Variants in DNAJB5 observed in about 807,000 individuals in gnomAD.
DNAJB5 encodes DnaJ heat shock protein family (Hsp40) member B5.
A neutral mutation model predicts 32.6 loss-of-function variants in DNAJB5; 12 were observed. The observed-to-expected ratio is 0.37, with a 90% CI of 0.24 to 0.60. The LOEUF is 0.60. Ranked by LOEUF, DNAJB5 falls within the 20% of genes least tolerant of loss-of-function variation. The pLI, the probability that DNAJB5 is intolerant of heterozygous loss-of-function variation, is 0.71. For synonymous variants in DNAJB5, 188 were observed against 212.9 expected (o/e 0.88, Z 1.02); for missense variants, 358 against 554.2 (o/e 0.65, Z 3.55).
chr9:34,998,593 T>G (rs957209500), downstream of DNAJB5: 3 of 152,050 alleles, frequency 2.0e-5, no homozygotes, highest in Admixed American at 2.0e-4. Flanking sequence ...TTTCTAAAAC[T>G]TATACTTCAA....
Position 34,990,603 on chromosome 9 carries a change from C to G in DNAJB5, c.-28C>G. The G allele has an allele frequency of 6.4e-7, 1 of 1,551,434 alleles. No individual in the cohort carries two copies. Among genetic ancestry groups the G allele is most frequent in the Non-Finnish European group, 8.7e-7 (1 of 1,146,918 alleles). On this transcript the variant is annotated 5_prime_UTR_variant, in exon 2 of 5. Coordinates refer to ENST00000682809, the MANE Select transcript of DNAJB5 (RefSeq NM_001349723.3). The surrounding 1 kb of genome is among the most constrained non-coding windows in gnomAD (Gnocchi z 4.5). ...GCACTTCAGGCCGGCTCCGGTGGAG[C>G]GATCAGAGGTGAGGGGCTTGGCTGG...
rs1348330966 is a variant in DNAJB5, at chr9:34,997,313, CCACT to C, written c.*57_*60del. The C allele has an allele frequency of 1.2e-5, 19 of 1,548,994 alleles. No individual in the cohort carries two copies. Among genetic ancestry groups the C allele is most frequent in the Non-Finnish European group, 1.7e-5 (19 of 1,120,792 alleles). ...CACAGCAATACCCCCAACACTCACTCCACTCAATGTGCACCCAGCTTGATGTCCA... is the reference window on the plus strand; with the variant it reads ...CACAGCAATACCCCCAACACTCACTCCAATGTGCACCCAGCTTGATGTCCA... On this transcript the variant is annotated 3_prime_UTR_variant, in exon 5 of 5. Coordinates refer to ENST00000682809, the MANE Select transcript of DNAJB5 (RefSeq NM_001349723.3). This position sits in a 1 kb window ranked among gnomAD's most constrained non-coding sequence, Gnocchi z 4.1.
intron 3 of DNAJB5, among the ~76,000 whole-genome samples, chr9:34,994,608 C>T (rs1827742050): frequency 1.3e-5 from 2 of 152,166 alleles, no homozygotes; most frequent in Non-Finnish European, 2.9e-5. Context: ...ACCATGTGAC[C>T]TGTCTTGGAA....
chr9:34,995,305 T>G (rs1344961071), intron 3 of DNAJB5, among the ~76,000 whole-genome samples: 1 of 152,066 alleles, frequency 6.6e-6, no homozygotes, highest in Non-Finnish European at 1.5e-5. Context: ...ACCCCACCCA[T>G]AGTCTCTGTA....
At position 34,990,831 on chromosome 9, in the gene DNAJB5, G is replaced by A. The variant is rs1827607944; in HGVS notation, c.182+19G>A. The A allele has an allele frequency of 1.3e-6, 2 of 1,541,938 alleles. No individual in the cohort carries two copies. Among genetic ancestry groups the A allele is most frequent in the Non-Finnish European group, 1.8e-6 (2 of 1,142,484 alleles). Reference sequence around the variant, plus strand: ...AGTTTCGGTAAGTCCCTCCGGAGAAGGGCACTCACACCCATACCCAGTCAA... The same window carrying A: ...AGTTTCGGTAAGTCCCTCCGGAGAAAGGCACTCACACCCATACCCAGTCAA... On this transcript the variant is annotated intron_variant, in intron 2 of 4. Transcript: ENST00000682809. This position sits in a 1 kb window ranked among gnomAD's most constrained non-coding sequence, Gnocchi z 4.5.
chr9:34,994,423 A>C (rs1827737145), intron 3 of DNAJB5, among the ~76,000 whole-genome samples: 1 of 152,022 alleles, frequency 6.6e-6, no homozygotes, highest in African/African-American at 2.4e-5. Flanking sequence ...CCTATTCTCC[A>C]TGCTGCCGGT....
chr9:34,991,479 G>A lies in DNAJB5; in HGVS notation c.182+667G>A. The A allele has an allele frequency of 6.6e-6, 3 of 453,948 alleles. No homozygotes were observed. In the Admixed American group the frequency reaches 7.0e-5, roughly 11 times the overall value. 28.1% of individuals were successfully genotyped at this position (453,948 alleles called of 1,614,324 possible). A position where few individuals can be genotyped will look rare whatever the true frequency, so the allele number is the denominator to read the frequency against. ...AATGCAGGGACACCAAAAGGAGGTG[G>A]GTGGTTGGTGAGCCGTTCCACTGGC... is the stretch of plus-strand genomic sequence containing the variant. On this transcript the variant is annotated intron_variant, in intron 2 of 4. Transcript: ENST00000682809.
At position 34,990,991 on chromosome 9, in the gene DNAJB5, TCTCAAACC is replaced by T; in HGVS notation, c.182+182_182+189del. Reference sequence around the variant, plus strand: ...GAATTGCACCCCTTATCATTCCTTTTCTCAAACCCTTCAGGTATCCATTTTCCACAGAC... The same window carrying T: ...GAATTGCACCCCTTATCATTCCTTTTCTTCAGGTATCCATTTTCCACAGAC... On this transcript the variant is annotated intron_variant, in intron 2 of 4. Transcript: ENST00000682809. The surrounding 1 kb of genome is among the most constrained non-coding windows in gnomAD (Gnocchi z 4.5). 1 of 640,336 alleles carries T rather than the reference TCTCAAACC, an allele frequency of 1.6e-6. No individual in the cohort carries two copies. Among genetic ancestry groups the T allele is most frequent in the East Asian group, 2.8e-5 (1 of 36,292 alleles). 39.7% of individuals were successfully genotyped at this position (640,336 alleles called of 1,614,324 possible).
At chr9:34,991,566 C>T in intron 2 of DNAJB5, 1 of 382,464 alleles carries the variant, frequency 2.6e-6, no homozygotes, top group South Asian at 1.9e-5. Flanking sequence ...AGGGTTCTTT[C>T]CCAGTCCCAG....
chr9:34,990,192 G>A lies in DNAJB5; in HGVS notation c.-132-307G>A, dbSNP rs1563947135. ...CTCTCCTCGCCGCGCCTTTTGTCCC[G>A]GCCGAGCTCCGCTCTGCCCCGCCCA... is the stretch of plus-strand genomic sequence containing the variant. On this transcript the variant is annotated intron_variant, in intron 1 of 4. Coordinates refer to ENST00000682809, the MANE Select transcript of DNAJB5 (RefSeq NM_001349723.3). The surrounding 1 kb of genome is among the most constrained non-coding windows in gnomAD (Gnocchi z 4.5). The A allele has an allele frequency of 1.6e-5, 14 of 892,756 alleles. No individual in the cohort carries two copies. The South Asian group carries it at 2.5e-4, about 16-fold the overall frequency. The allele number at this position is 892,756 out of a possible 1,614,324, so 55.3% of individuals were successfully genotyped here. A position where few individuals can be genotyped will look rare whatever the true frequency, so the allele number is the denominator to read the frequency against.
Position 34,998,369 on chromosome 9 carries a change from G to GT in DNAJB5, c.*1117dup, listed in dbSNP as rs901485179. ...ACAACCCCCGAATGTTTTTATAGTA[G>GT]TTTTTTTGTATTTTTTTGTAATGAC... On this transcript the variant is annotated 3_prime_UTR_variant, in exon 5 of 5. Transcript: ENST00000682809. 9.2e-5 allele frequency: 14 copies of GT among 152,614 alleles called. No homozygotes were observed. Among genetic ancestry groups the GT allele is most frequent in the East Asian group, 1.9e-4 (1 of 5,194 alleles). 9.5% of individuals were successfully genotyped at this position (152,614 alleles called of 1,614,324 possible). A position where few individuals can be genotyped will look rare whatever the true frequency, so the allele number is the denominator to read the frequency against.
At position 34,996,730 on chromosome 9, in the gene DNAJB5, C is replaced by T; in HGVS notation, c.893C>T (p.Thr298Ile). 3 of 1,614,200 alleles carry T rather than the reference C, an allele frequency of 1.9e-6. No individual in the cohort carries two copies. Among genetic ancestry groups the T allele is most frequent in the Non-Finnish European group, 2.5e-6 (3 of 1,180,040 alleles). The change falls in exon 4 of 5, where the codon ACC becomes ATC. Residue 298 changes from threonine (T) to isoleucine (I), a missense_variant. Thr to Ile is a moderately conservative substitution (Grantham distance 89). Transcript: ENST00000682809. This position sits in a 1 kb window ranked among gnomAD's most constrained non-coding sequence, Gnocchi z 7.2. Reference sequence around the variant, plus strand: ...GGCTGGAAGGAAGGCACCAAGATCACCTTCCCCAAAGAAGGCGACGCCACA... The same window carrying T: ...GGCTGGAAGGAAGGCACCAAGATCATCTTCCCCAAAGAAGGCGACGCCACA... The part of the protein sequence containing the change: ...KRGWKEGTKI[T>I]FPKEGDATPD...
chr9:34,994,685 T>C (rs1053839577), intron 3 of DNAJB5, among the ~76,000 whole-genome samples: 3 of 152,146 alleles, frequency 2.0e-5, no homozygotes, highest in African/African-American at 4.8e-5. Context: ...GAGAGCTCCC[T>C]TGAGATACTT....
chr9:34,990,322 G>A lies in DNAJB5; in HGVS notation c.-132-177G>A, dbSNP rs1250435225. The A allele has an allele frequency of 3.4e-6, 5 of 1,454,138 alleles. No individual in the cohort carries two copies. The highest frequency in any genetic ancestry group is 4.6e-6 in the Non-Finnish European group (5 of 1,095,774). 90.1% of individuals were successfully genotyped at this position (1,454,138 alleles called of 1,614,324 possible). ...GGCGACAGGAGCTCACTGCCTCTCG[G>A]GCCCTCACAATCACACCTGTCACAG... is the stretch of plus-strand genomic sequence containing the variant. On this transcript the variant is annotated intron_variant, in intron 1 of 4. Coordinates refer to ENST00000682809, the MANE Select transcript of DNAJB5 (RefSeq NM_001349723.3). The surrounding 1 kb of genome is among the most constrained non-coding windows in gnomAD (Gnocchi z 4.5).
Position 34,996,349 on chromosome 9 carries a change from C to A in DNAJB5, c.512C>A (p.Ala171Asp), listed in dbSNP as rs1461387639. 6.2e-7 allele frequency: 1 copy of A among 1,614,194 alleles called. No individual in the cohort carries two copies. ...TFHGDPHATF[A>D]SFFGGSNPFD... ...CATGGGGACCCCCATGCCACCTTTGCCTCCTTCTTTGGTGGCTCCAACCCC... is the reference window on the plus strand; with the variant it reads ...CATGGGGACCCCCATGCCACCTTTGACTCCTTCTTTGGTGGCTCCAACCCC... Residue 171 changes from alanine (A) to aspartate (D), a missense_variant, in exon 4 of 5, where the codon GCC becomes GAC. Coordinates refer to ENST00000682809, the MANE Select transcript of DNAJB5 (RefSeq NM_001349723.3). The surrounding 1 kb of genome is among the most constrained non-coding windows in gnomAD (Gnocchi z 7.2).
Position 34,995,757 on chromosome 9 carries a change from T to A in DNAJB5, c.428-508T>A, listed in dbSNP as rs371200442. Among the ~76,000 whole-genome samples the A allele has an allele frequency of 3.3e-5, 5 of 152,214 alleles. No individual in the cohort carries two copies. In the East Asian group the frequency reaches 9.7e-4, roughly 29 times the overall value. ...AGAGGAAACACTGCTAGAAGCAGAG[T>A]GAAAGTGGTCTTCCTCCCGGGTTGG... On this transcript the variant is annotated intron_variant, in intron 3 of 4. Transcript: ENST00000682809.
chr9:34,989,753 T>A lies in DNAJB5; in HGVS notation c.-211T>A. On this transcript the variant is annotated 5_prime_UTR_variant, in exon 1 of 5. Coordinates refer to ENST00000682809, the MANE Select transcript of DNAJB5 (RefSeq NM_001349723.3). ...GCGGGCAGGCGACTCCTGTCCCGGG[T>A]GGAGGCGGCGGAGCCGGAGCCGGGG... 8.1e-7 allele frequency: 1 copy of A among 1,230,814 alleles called. No individual in the cohort carries two copies. Among genetic ancestry groups the A allele is most frequent in the South Asian group, 4.1e-5 (1 of 24,452 alleles). 76.2% of individuals were successfully genotyped at this position (1,230,814 alleles called of 1,614,324 possible).
At chr9:34,992,648 T>G (rs1187471781) in intron 2 of DNAJB5, 1 of 321,304 alleles carries the variant, frequency 3.1e-6, no homozygotes, top group African/African-American at 2.2e-5. Flanking sequence ...GGGTCTCCGA[T>G]GGCAGACAGG....
chr9:34,990,595 C>T lies in DNAJB5; in HGVS notation c.-36C>T. The T allele has an allele frequency of 6.4e-7, 1 of 1,551,470 alleles. No individual in the cohort carries two copies. Among genetic ancestry groups the T allele is most frequent in the African/African-American group, 1.4e-5 (1 of 73,150 alleles). On this transcript the variant is annotated 5_prime_UTR_variant, in exon 2 of 5. Coordinates refer to ENST00000682809, the MANE Select transcript of DNAJB5 (RefSeq NM_001349723.3). This position sits in a 1 kb window ranked among gnomAD's most constrained non-coding sequence, Gnocchi z 4.5. Reference sequence around the variant, plus strand: ...GAGCTGCAGCACTTCAGGCCGGCTCCGGTGGAGCGATCAGAGGTGAGGGGC... The same window carrying T: ...GAGCTGCAGCACTTCAGGCCGGCTCTGGTGGAGCGATCAGAGGTGAGGGGC...
Sources: gnomAD v4.1 joint callset for allele counts (sites outside exome capture counted in the v4.1 genomes callset) on GRCh38, gnomAD v4.1.1 for gene constraint, Gnocchi (gnomAD v3.1) non-coding constraint, MANE v1.5 for transcripts, NCBI Gene and HGNC (gene_info 2026-07-23, HGNC 2026-07-21) for gene names.